The following PRH1 variants were observed in gnomAD, a reference collection of about 807,000 sequenced individuals.
PRH1 encodes proline rich protein HaeIII subfamily 1, also known as salivary acidic proline-rich phosphoprotein 1/2.
Under a neutral mutation model 7.9 loss-of-function variants are expected in PRH1, and 7 were observed. The observed-to-expected ratio is 0.89, with a 90% CI of 0.50 to 1.67. The LOEUF (loss-of-function observed/expected upper bound fraction) is 1.67. Ranked by LOEUF, PRH1 falls within the 40% of genes most tolerant of loss-of-function variation. PRH1 has a pLI of 0.00. For synonymous variants in PRH1, 45 were observed against 80.8 expected, an observed-to-expected ratio of 0.56 and a Z score of 2.38; for missense variants, 109 against 223.6, an observed-to-expected ratio of 0.49 and a Z score of 3.27.
intron 1 of PRH1, among the ~76,000 whole-genome samples, chr12:11,085,687 G>A (rs938002990): frequency 8.6e-6 from 1 of 115,802 alleles, no homozygotes; most frequent in African/African-American, 2.9e-5. Flanking sequence ...CAAATACTAT[G>A]TCCTTGTTAT....
At chr12:11,060,143 A>AG (rs1943524825) in intron 1 of PRH1, among the ~76,000 whole-genome samples, 2 of 146,270 alleles carry the variant, frequency 1.4e-5, no homozygotes, top group Non-Finnish European at 1.5e-5. Flanking sequence ...CATAACACCA[A>AG]AATTAATACA....
chr12:10,929,473 A>G (rs1950171366), intron 2 of PRH1: 1 of 1,066,508 alleles, frequency 9.4e-7, no homozygotes, highest in Admixed American at 2.4e-5. Context: ...AAGGATCAGA[A>G]GACCTGTTGT....
At chr12:11,080,631 C>A (rs1402366067) in intron 1 of PRH1, among the ~76,000 whole-genome samples, 893 of 62,636 alleles carry the variant, frequency 0.014, 2 homozygotes, top group Admixed American at 0.024. Context: ...ATCGATTATA[C>A]ATTCAATCCA....
chr12:11,171,256 G>C, intron 1 of PRH1: 7 of 784,336 alleles, frequency 8.9e-6, no homozygotes, highest in Non-Finnish European at 1.2e-5. Context: ...CCCGGGAGCC[G>C]CTTTGCTTAC....
At chr12:11,113,573 A>T (rs1176530222) in intron 1 of PRH1, among the ~76,000 whole-genome samples, 1 of 152,222 alleles carries the variant, frequency 6.6e-6, no homozygotes, top group Non-Finnish European at 1.5e-5. Context: ...TTCAGGGTGG[A>T]TTAAAAACTT....
chr12:10,966,029 A>G (rs562017363), intron 2 of PRH1, among the ~76,000 whole-genome samples: 9 of 152,304 alleles, frequency 5.9e-5, no homozygotes, highest in Admixed American at 4.6e-4. Flanking sequence ...ACACACACAT[A>G]CACATACCCA....
intron 2 of PRH1, among the ~76,000 whole-genome samples, chr12:10,958,106 G>A (rs1186315478): frequency 6.6e-6 from 1 of 152,124 alleles, no homozygotes; most frequent in Non-Finnish European, 1.5e-5. Flanking sequence ...AAAGACACAT[G>A]CATGAAAATA....
intron 2 of PRH1, among the ~76,000 whole-genome samples, chr12:10,960,551 A>T (rs943022020): frequency 6.6e-6 from 1 of 152,216 alleles, no homozygotes; most frequent in African/African-American, 2.4e-5. Context: ...AAATCAAAAC[A>T]ATTTGTTTGT....
intron 1 of PRH1, among the ~76,000 whole-genome samples, chr12:11,025,555 G>A (rs1412712634): frequency 1.3e-5 from 2 of 152,282 alleles, no homozygotes; most frequent in African/African-American, 4.8e-5. Context: ...TGAAGTTTGA[G>A]ATTACTAAAA....
At position 10,927,865 on chromosome 12, in the gene PRH1, T is replaced by A. The variant is rs376649723; in HGVS notation, c.-58-43590A>T. 2.0e-4 allele frequency among the ~76,000 whole-genome samples: 31 copies of A among 152,322 alleles called. No individual in the cohort carries two copies. The South Asian group carries it at 6.0e-3, about 30-fold the overall frequency. On this transcript the variant is annotated intron_variant, in intron 2 of 3. Transcript: ENST00000539853. The stretch of plus-strand genomic sequence containing the variant: ...AAGTGCAGCTGGTGATACCGAGTAG[T>A]ATATTTTATGAATTGAGGAACAGGG...
At chr12:11,084,752 T>A (rs74623095) in intron 1 of PRH1, among the ~76,000 whole-genome samples, 6 of 139,722 alleles carry the variant, frequency 4.3e-5, no homozygotes, top group Non-Finnish European at 9.6e-5. Flanking sequence ...TCATGCACAT[T>A]TATTAATAAT....
chr12:11,027,980 T>C (rs1352227035), intron 1 of PRH1, among the ~76,000 whole-genome samples: 1 of 152,204 alleles, frequency 6.6e-6, no homozygotes, highest in African/African-American at 2.4e-5. Flanking sequence ...AAGCCAGCCA[T>C]GACTGGAGGG....
At chr12:10,927,682 C>T (rs143015755) in intron 2 of PRH1, among the ~76,000 whole-genome samples, 2 of 152,310 alleles carry the variant, frequency 1.3e-5, no homozygotes, top group Admixed American at 6.5e-5. Context: ...ATGCACAGTA[C>T]AGGATCCACC....
chr12:11,062,992 A>G (rs1242892868), intron 1 of PRH1, among the ~76,000 whole-genome samples: 1 of 152,000 alleles, frequency 6.6e-6, no homozygotes, highest in Non-Finnish European at 1.5e-5. Flanking sequence ...TTATTTTCTC[A>G]TCAGTTCCAA....
intron 1 of PRH1, among the ~76,000 whole-genome samples, chr12:11,155,318 A>G (rs1401363560): frequency 6.6e-6 from 1 of 152,188 alleles, no homozygotes; most frequent in Admixed American, 6.5e-5. Flanking sequence ...AGTATAATTC[A>G]TGGGGGTGCT....
At chr12:10,916,528 C>A (rs1196429264) in intron 2 of PRH1, among the ~76,000 whole-genome samples, 1 of 151,686 alleles carries the variant, frequency 6.6e-6, no homozygotes, top group Non-Finnish European at 1.5e-5. Flanking sequence ...AGATAGAGAA[C>A]CATAGAAAAT....
At chr12:11,083,814 G>A (rs67861823) in intron 1 of PRH1, among the ~76,000 whole-genome samples, 52,590 of 97,596 alleles carry the variant, frequency 0.54, 12,475 homozygotes, top group Non-Finnish European at 0.6. Flanking sequence ...CTTTATATAA[G>A]TGGAATTATA....
upstream of PRH1, chr12:11,049,244 G>C: frequency 1.8e-6 from 2 of 1,127,028 alleles, no homozygotes; most frequent in Admixed American, 6.3e-5. Flanking sequence ...ATGATGAGCA[G>C]AAAACATATC....
At chr12:11,080,876 A>G (rs1944476075) in intron 1 of PRH1, among the ~76,000 whole-genome samples, 1 of 117,688 alleles carries the variant, frequency 8.5e-6, no homozygotes, top group Non-Finnish European at 2.0e-5. Context: ...TTCTGTTAAA[A>G]TCAGGTTGTA....
Sources: gnomAD v4.1 joint callset for allele counts (sites outside exome capture counted in the v4.1 genomes callset) on GRCh38, gnomAD v4.1.1 for gene constraint, MANE v1.5 for transcripts, NCBI Gene and HGNC (gene_info 2026-07-23, HGNC 2026-07-21) for gene names.